Variants in GRID2 observed in about 807,000 individuals in gnomAD.
GRID2 encodes glutamate receptor ionotropic, delta-2.
A neutral mutation model predicts 114.8 loss-of-function variants in GRID2; 33 were observed. That is an observed-to-expected ratio of 0.29 (90% confidence interval 0.22 to 0.38). GRID2 has a LOEUF of 0.38. Among genes scored for constraint, GRID2 ranks in the 10% least tolerant of loss-of-function variants. The pLI, the probability that GRID2 is intolerant of heterozygous loss-of-function variation, is 1.00. For synonymous variants in GRID2, 505 were observed against 449.9 expected (o/e 1.12, Z -1.55); for missense variants, 1,184 against 1,257.7 (o/e 0.94, Z 0.89).
At chr4:93,264,439 C>T (rs1398468153) in intron 8 of GRID2, among the ~76,000 whole-genome samples, 1 of 151,832 alleles carries the variant, frequency 6.6e-6, no homozygotes, top group Non-Finnish European at 1.5e-5. Context: ...GCAAAATAAT[C>T]TTAATTATTG....
At chr4:92,636,807 A>C (rs1485313548) in intron 2 of GRID2, among the ~76,000 whole-genome samples, 1 of 152,034 alleles carries the variant, frequency 6.6e-6, no homozygotes, top group African/African-American at 2.4e-5. Context: ...GCCAAGCCTG[A>C]ATATAACCTG....
At chr4:92,920,744 T>C (rs988528734) in intron 2 of GRID2, among the ~76,000 whole-genome samples, 8 of 152,242 alleles carry the variant, frequency 5.3e-5, no homozygotes, top group African/African-American at 1.9e-4. Context: ...CTTCCCTTTG[T>C]GGGTAACTCG....
chr4:93,030,336 T>G (rs988243594), intron 2 of GRID2, among the ~76,000 whole-genome samples: 11 of 151,948 alleles, frequency 7.2e-5, no homozygotes, highest in African/African-American at 2.7e-4. Flanking sequence ...CTTGAGGCAG[T>G]GAGGACCGTA....
chr4:92,904,372 G>T (rs1458869115), intron 2 of GRID2, among the ~76,000 whole-genome samples: 2 of 150,716 alleles, frequency 1.3e-5, no homozygotes, highest in African/African-American at 4.9e-5. Context: ...TTCAATAAAT[G>T]TAAATATTAT....
chr4:93,011,620 G>A (rs766250917), intron 2 of GRID2, among the ~76,000 whole-genome samples: 2 of 152,064 alleles, frequency 1.3e-5, no homozygotes, highest in Non-Finnish European at 2.9e-5. Context: ...TGGGAAAAGA[G>A]ACCAAACATA....
intron 1 of GRID2, among the ~76,000 whole-genome samples, chr4:92,454,792 C>T (rs1721121579): frequency 6.6e-6 from 1 of 152,188 alleles, no homozygotes; most frequent in Non-Finnish European, 1.5e-5. Flanking sequence ...GCCGAGATCG[C>T]ACCACTGCAC....
At chr4:93,738,397 A>G (rs1396131506) in intron 14 of GRID2, among the ~76,000 whole-genome samples, 2 of 152,172 alleles carry the variant, frequency 1.3e-5, no homozygotes, top group African/African-American at 4.8e-5. Context: ...GGAGACAGAG[A>G]TAGTGGAATC....
chr4:92,973,359 T>G (rs370250947), intron 2 of GRID2, among the ~76,000 whole-genome samples: 2 of 152,312 alleles, frequency 1.3e-5, no homozygotes, highest in African/African-American at 4.8e-5. Context: ...TCCCATACTC[T>G]CATAAGAACA....
intron 8 of GRID2, among the ~76,000 whole-genome samples, chr4:93,370,199 C>T (rs1393011919): frequency 1.3e-5 from 2 of 151,794 alleles, no homozygotes; most frequent in East Asian, 3.9e-4. Context: ...ATTTTCAAAA[C>T]ACAGACTTTC....
At position 92,866,648 on chromosome 4, in the gene GRID2, A is replaced by C. The variant is rs866725023; in HGVS notation, c.245-218347A>C. Reference sequence around the variant, plus strand: ...AAGGTCCGCCTCCCGGGTTCACGCCATTCTCCTGCCTCAGCCTCCCGAGTA... The same window carrying C: ...AAGGTCCGCCTCCCGGGTTCACGCCCTTCTCCTGCCTCAGCCTCCCGAGTA... On this transcript the variant is annotated intron_variant, in intron 2 of 15. Coordinates refer to ENST00000282020, the MANE Select transcript of GRID2 (RefSeq NM_001510.4). Among the ~76,000 whole-genome samples, 5 of 150,890 alleles carry C rather than the reference A, an allele frequency of 3.3e-5. No homozygotes were observed. The South Asian group carries it at 8.4e-4, about 25-fold the overall frequency.
intron 3 of GRID2, among the ~76,000 whole-genome samples, chr4:93,101,865 A>G (rs549676680): frequency 2.0e-5 from 3 of 152,230 alleles, no homozygotes; most frequent in Admixed American, 6.6e-5. Context: ...GTTCCTATCA[A>G]TATTTTATTC....
At chr4:92,342,419 A>G (rs940018532) in intron 1 of GRID2, among the ~76,000 whole-genome samples, 1 of 152,278 alleles carries the variant, frequency 6.6e-6, no homozygotes, top group South Asian at 2.1e-4. Context: ...TGAAAGGGTT[A>G]TTGAAGGAAA....
intron 5 of GRID2, among the ~76,000 whole-genome samples, chr4:93,214,283 G>A (rs898974194): frequency 1.3e-5 from 2 of 151,940 alleles, no homozygotes. Flanking sequence ...ATAGATCCTA[G>A]TACATTGTAT....
chr4:92,451,990 A>G (rs1039294948), intron 1 of GRID2, among the ~76,000 whole-genome samples: 1 of 152,162 alleles, frequency 6.6e-6, no homozygotes, highest in Non-Finnish European at 1.5e-5. Context: ...TATGAATGTG[A>G]GACTCTGCTG....
At chr4:92,572,065 A>T (rs1238534746) in intron 1 of GRID2, among the ~76,000 whole-genome samples, 1 of 152,184 alleles carries the variant, frequency 6.6e-6, no homozygotes, top group Non-Finnish European at 1.5e-5. Flanking sequence ...GAGACACAAA[A>T]AACCCTTCAA....
At chr4:92,921,648 G>A (rs1323776030) in intron 2 of GRID2, among the ~76,000 whole-genome samples, 1 of 152,166 alleles carries the variant, frequency 6.6e-6, no homozygotes, top group Non-Finnish European at 1.5e-5. Flanking sequence ...AGCAATGGAG[G>A]CTGCAGAACA....
chr4:92,647,660 T>C (rs1731717886), intron 2 of GRID2, among the ~76,000 whole-genome samples: 1 of 149,732 alleles, frequency 6.7e-6, no homozygotes, highest in South Asian at 2.1e-4. Flanking sequence ...TAGATCACTT[T>C]ATATGTTATG....
At chr4:93,603,220 G>C (rs1037492496) in intron 13 of GRID2, among the ~76,000 whole-genome samples, 4 of 150,136 alleles carry the variant, frequency 2.7e-5, no homozygotes, top group Non-Finnish European at 6.0e-5. Flanking sequence ...CAAAAAAAAA[G>C]AAAAGAAAAG....
chr4:92,378,072 C>A (rs1033647835), intron 1 of GRID2, among the ~76,000 whole-genome samples: 1 of 151,148 alleles, frequency 6.6e-6, no homozygotes, highest in Middle Eastern at 3.4e-3. Context: ...AATTTTAGAG[C>A]TGAAAGAGGC....
Sources: allele counts gnomAD v4.1 joint callset (sites outside exome capture counted in the v4.1 genomes callset), GRCh38; gene constraint gnomAD v4.1.1; transcripts MANE v1.5; gene names NCBI Gene and HGNC (gene_info 2026-07-23, HGNC 2026-07-21).